Variants in CTNNA1 observed in about 807,000 individuals in gnomAD.
CTNNA1 encodes catenin alpha-1.
Under a neutral mutation model 98.4 loss-of-function variants are expected in CTNNA1, and 37 were observed. The ratio of observed to expected loss-of-function variants is 0.38; its 90% CI spans 0.29 to 0.49. CTNNA1 has a LOEUF of 0.49. Ranked by LOEUF, CTNNA1 falls within the 20% of genes least tolerant of loss-of-function variation. The pLI is 0.95. For missense variants in CTNNA1, 761 were observed against 1,147.2 expected (o/e 0.66, Z 4.86); for synonymous variants, 404 against 413.2 (o/e 0.98, Z 0.27).
intron 7 of CTNNA1, among the ~76,000 whole-genome samples, chr5:138,844,783 T>C (rs1284685474): frequency 6.6e-6 from 1 of 152,128 alleles, no homozygotes; most frequent in Non-Finnish European, 1.5e-5. Context: ...GTATAGTAAG[T>C]AGGATATACA....
intron 7 of CTNNA1, among the ~76,000 whole-genome samples, chr5:138,867,026 A>C (rs1764845979): frequency 6.6e-6 from 1 of 152,250 alleles, no homozygotes; most frequent in African/African-American, 2.4e-5. Flanking sequence ...TAATTAAAAT[A>C]ACTGATAAAT....
chr5:138,888,418 A>G (rs1754564844), intron 9 of CTNNA1, among the ~76,000 whole-genome samples: 1 of 152,264 alleles, frequency 6.6e-6, no homozygotes, highest in Admixed American at 6.5e-5. Flanking sequence ...AACATCTAAT[A>G]CTTGGTAAAG....
intron 7 of CTNNA1, among the ~76,000 whole-genome samples, chr5:138,868,545 G>A (rs1251796517): frequency 1.3e-5 from 2 of 152,160 alleles, no homozygotes; most frequent in Non-Finnish European, 2.9e-5. Flanking sequence ...GTACCTTTCC[G>A]AAGCTCTCTG....
intron 1 of CTNNA1, among the ~76,000 whole-genome samples, chr5:138,762,867 C>CT (rs1213034165): frequency 1.3e-5 from 2 of 151,922 alleles, no homozygotes; most frequent in Non-Finnish European, 2.9e-5. Flanking sequence ...ATTTTTGTCT[C>CT]TAAGAGGTTT....
chr5:138,766,497 T>C (rs1752959627), intron 1 of CTNNA1, among the ~76,000 whole-genome samples: 1 of 148,952 alleles, frequency 6.7e-6, no homozygotes, highest in African/African-American at 2.5e-5. Context: ...TAATGATAAC[T>C]GGGGCTCCCT....
intron 7 of CTNNA1, among the ~76,000 whole-genome samples, chr5:138,856,525 A>G (rs1234361933): frequency 6.6e-6 from 1 of 152,120 alleles, no homozygotes; most frequent in African/African-American, 2.4e-5. Context: ...AATTCTTTGT[A>G]ATAATGGGGT....
intron 12 of CTNNA1, 142 bp downstream of exon 12, chr5:138,924,852 C>T: frequency 1.4e-6 from 1 of 712,656 alleles, no homozygotes; most frequent in Admixed American, 2.8e-5. Context: ...TCCTGAGAAG[C>T]TGGTCATAGC....
chr5:138,818,116 C>G (rs977378510), intron 5 of CTNNA1, among the ~76,000 whole-genome samples: 13 of 151,564 alleles, frequency 8.6e-5, no homozygotes, highest in Admixed American at 7.2e-4. Context: ...GTTGATTTCC[C>G]CCTTTTTTTT....
chr5:138,891,951 TTGA>T (rs1191960319), intron 9 of CTNNA1, among the ~76,000 whole-genome samples: 4 of 152,248 alleles, frequency 2.6e-5, no homozygotes, highest in Non-Finnish European at 5.9e-5. Context: ...GCATATGTGA[TTGA>T]TTGCTTCCTT....
intron 3 of CTNNA1, among the ~76,000 whole-genome samples, chr5:138,783,971 C>G (rs866949620): frequency 2.0e-5 from 3 of 152,130 alleles, no homozygotes; most frequent in Non-Finnish European, 4.4e-5. Context: ...AAATGGTAAT[C>G]CACAGTTTAC....
At chr5:138,755,777 C>T (rs1751567848) in intron 1 of CTNNA1, among the ~76,000 whole-genome samples, 1 of 149,864 alleles carries the variant, frequency 6.7e-6, no homozygotes, top group Non-Finnish European at 1.5e-5. Context: ...ACTCCTGTCT[C>T]TTCTGGAGAC....
At chr5:138,929,162 G>T (rs560635660) in intron 13 of CTNNA1, 84 bp from the exon 14 acceptor site, 2 of 797,348 alleles carry the variant, frequency 2.5e-6, no homozygotes, top group South Asian at 2.7e-5. Context: ...CTGGGCCTCC[G>T]TGCACCTGGC....
At chr5:138,772,191 C>G (rs1243214950) in intron 1 of CTNNA1, among the ~76,000 whole-genome samples, 1 of 152,188 alleles carries the variant, frequency 6.6e-6, no homozygotes, top group Non-Finnish European at 1.5e-5. Context: ...AGATTGCTAG[C>G]TAAATGATTG....
chr5:138,874,320 A>G lies in CTNNA1; in HGVS notation c.1063-11892A>G, dbSNP rs1308263536. On this transcript the variant is annotated intron_variant, in intron 7 of 17. Coordinates refer to ENST00000302763, the MANE Select transcript of CTNNA1 (RefSeq NM_001903.5). This position sits in a 1 kb window ranked among gnomAD's most constrained non-coding sequence, Gnocchi z 4.1. ...CAAGTAAGTTGACTGAAGCTGGCAA[A>G]TTGATCTCTTTCGAGCTCTGTGATG... is the stretch of plus-strand genomic sequence containing the variant. The G allele has an allele frequency of 4.3e-6, 7 of 1,614,038 alleles. No homozygotes were observed. Among genetic ancestry groups the G allele is most frequent in the Non-Finnish European group, 5.9e-6 (7 of 1,179,902 alleles).
chr5:138,800,813 A>G (rs896506488), intron 3 of CTNNA1, among the ~76,000 whole-genome samples: 1 of 152,004 alleles, frequency 6.6e-6, no homozygotes, highest in Non-Finnish European at 1.5e-5. Flanking sequence ...AAAAAAAAAA[A>G]GTGCAACAGA....
intron 1 of CTNNA1, among the ~76,000 whole-genome samples, chr5:138,762,641 G>GTT (rs547785205): frequency 5.5e-5 from 8 of 144,182 alleles, no homozygotes; most frequent in African/African-American, 7.6e-5. Flanking sequence ...TTAATTTGTG[G>GTT]TTTTTTTTTT....
rs115595913 is a variant in CTNNA1 at position 138,845,729 on chromosome 5, A to G, written c.1062+18011A>G. Among the ~76,000 whole-genome samples, 726 of 152,300 alleles carry G rather than the reference A, an allele frequency of 4.8e-3. 3 individuals are homozygous for G. The highest frequency in any genetic ancestry group is 0.015 in the African/African-American group (611 of 41,574). On this transcript the variant is annotated intron_variant, in intron 7 of 17. Coordinates refer to ENST00000302763, the MANE Select transcript of CTNNA1 (RefSeq NM_001903.5). The stretch of plus-strand genomic sequence containing the variant: ...TCCTTGAGGCATAAGGAGCAAATTT[A>G]GACTGAATTTCTACTAAATTACTGT...
chr5:138,930,468 C>T lies in CTNNA1; in HGVS notation c.2011-5C>T. The T allele has an allele frequency of 6.2e-7, 1 of 1,606,600 alleles. No individual in the cohort carries two copies. The highest frequency in any genetic ancestry group is 8.5e-7 in the Non-Finnish European group (1 of 1,175,782). On this transcript the variant is annotated splice_polypyrimidine_tract_variant and splice_region_variant and intron_variant, in intron 14 of 17. Coordinates refer to ENST00000302763, the MANE Select transcript of CTNNA1 (RefSeq NM_001903.5). The stretch of plus-strand genomic sequence containing the variant: ...TGTAAGAGCTCTTTGTGCTTCTGAT[C>T]ACAGGCGATCATGGCTCAGCTTCCC...
chr5:138,797,586 G>C (rs1350433812), intron 3 of CTNNA1, among the ~76,000 whole-genome samples: 1 of 152,168 alleles, frequency 6.6e-6, no homozygotes, highest in African/African-American at 2.4e-5. Context: ...TTCTGGTGAA[G>C]AAGCTATTTA....
Sources: allele counts gnomAD v4.1 joint callset (sites outside exome capture counted in the v4.1 genomes callset), GRCh38; gene constraint gnomAD v4.1.1; non-coding constraint Gnocchi (gnomAD v3.1); transcripts MANE v1.5; gene names NCBI Gene and HGNC (gene_info 2026-07-23, HGNC 2026-07-21).